Variants in AATF observed in about 807,000 individuals in gnomAD.
AATF encodes apoptosis antagonizing transcription factor.
AATF carries 48 observed loss-of-function variants against 63.7 expected under a neutral mutation model. The observed-to-expected ratio is 0.75, with a 90% confidence interval of 0.60 to 0.96. AATF has a LOEUF of 0.96. AATF is among the 40% of genes least tolerant of loss of function. The pLI is 0.00. For synonymous variants in AATF, 258 were observed against 247.7 expected (o/e 1.04, Z -0.39); for missense variants, 639 against 685.7 (o/e 0.93, Z 0.76).
At chr17:37,006,816 C>T (rs1597722770) in intron 8 of AATF, among the ~76,000 whole-genome samples, 1 of 152,174 alleles carries the variant, frequency 6.6e-6, no homozygotes, top group South Asian at 2.1e-4. Flanking sequence ...CTGCTTTATT[C>T]AATGAATGAA....
At chr17:37,007,359 ATTTTTTTT>A (rs71368436) in intron 8 of AATF, among the ~76,000 whole-genome samples, 2,032 of 112,564 alleles carry the variant, frequency 0.018, 63 homozygotes, top group African/African-American at 0.071. Context: ...GGCTAATTTA[ATTTTTTTT>A]TTTTTTTTTT....
chr17:37,027,462 T>C (rs1300347468), intron 10 of AATF, among the ~76,000 whole-genome samples: 1 of 152,188 alleles, frequency 6.6e-6, no homozygotes, highest in Non-Finnish European at 1.5e-5. Context: ...CTAAAGCCTG[T>C]ATTTCATCAT....
At chr17:36,993,860 T>C (rs1352614237) in intron 8 of AATF, among the ~76,000 whole-genome samples, 2 of 152,196 alleles carry the variant, frequency 1.3e-5, no homozygotes, top group Non-Finnish European at 2.9e-5. Context: ...ATGCCCTAAC[T>C]ACTGAGAATG....
intron 11 of AATF, among the ~76,000 whole-genome samples, chr17:37,041,266 A>G (rs1205687045): frequency 1.3e-5 from 2 of 152,176 alleles, no homozygotes; most frequent in Non-Finnish European, 2.9e-5. Context: ...ATTATGGAAT[A>G]TGTATTATTG....
At chr17:36,990,625 A>G (rs748594397) in intron 7 of AATF, 149 bp from the exon 8 acceptor site, 6 of 530,918 alleles carry the variant, frequency 1.1e-5, no homozygotes, top group African/African-American at 1.0e-4. Context: ...GCCTGTTTTC[A>G]TATTGGACTG....
intron 4 of AATF, among the ~76,000 whole-genome samples, chr17:36,963,508 G>A (rs1333391747): frequency 6.6e-6 from 1 of 152,112 alleles, no homozygotes; most frequent in African/African-American, 2.4e-5. Flanking sequence ...TTGATTTTTT[G>A]CTTTATGCTT....
chr17:37,009,333 T>C (rs1272137513), intron 8 of AATF, among the ~76,000 whole-genome samples: 2 of 147,008 alleles, frequency 1.4e-5, no homozygotes, highest in African/African-American at 2.6e-5. Context: ...TTAGTAAAGA[T>C]GGGGTTTCAC....
intron 4 of AATF, among the ~76,000 whole-genome samples, chr17:36,974,294 A>G (rs1487971605): frequency 6.6e-6 from 1 of 152,056 alleles, no homozygotes; most frequent in Non-Finnish European, 1.5e-5. Context: ...AATTATGAAT[A>G]TTTTTCCTTG....
At chr17:37,025,170 A>G (rs2071501652) in intron 10 of AATF, among the ~76,000 whole-genome samples, 1 of 152,196 alleles carries the variant, frequency 6.6e-6, no homozygotes. Context: ...TCTTGGTAGT[A>G]ATCATTGATA....
chr17:37,019,510 T>C (rs977283799), intron 9 of AATF, among the ~76,000 whole-genome samples: 8 of 152,312 alleles, frequency 5.3e-5, no homozygotes, highest in African/African-American at 1.9e-4. Context: ...CAGTAAAAGC[T>C]TCAGCACAAT....
chr17:36,971,512 A>G (rs2071039001), intron 4 of AATF, among the ~76,000 whole-genome samples: 1 of 152,240 alleles, frequency 6.6e-6, no homozygotes, highest in Admixed American at 6.5e-5. Flanking sequence ...ACAGTCTGGC[A>G]GTTTTTAAAT....
intron 4 of AATF, among the ~76,000 whole-genome samples, chr17:36,984,901 GTT>G (rs34905004): frequency 3.1e-5 from 4 of 130,054 alleles, no homozygotes; most frequent in Non-Finnish European, 1.6e-5. Flanking sequence ...GCCTCCCACA[GTT>G]TTTTTTTTTT....
At chr17:36,975,238 G>A (rs1305769586) in intron 4 of AATF, among the ~76,000 whole-genome samples, 1 of 151,874 alleles carries the variant, frequency 6.6e-6, no homozygotes, top group Non-Finnish European at 1.5e-5. Context: ...AATGCCTGCA[G>A]GTCTTTTTTT....
At chr17:37,049,928 C>A (rs2071732742) in intron 11 of AATF, among the ~76,000 whole-genome samples, 1 of 152,130 alleles carries the variant, frequency 6.6e-6, no homozygotes, top group African/African-American at 2.4e-5. Context: ...TCCTGCTCCA[C>A]CTGCTTTGGG....
chr17:36,989,648 G>C (rs531093655), intron 7 of AATF, among the ~76,000 whole-genome samples: 53 of 152,242 alleles, frequency 3.5e-4, no homozygotes, highest in Admixed American at 9.2e-4. Context: ...TTTGATGCAG[G>C]AGTCTGGTAG....
At position 36,953,084 on chromosome 17, in the gene AATF, C is replaced by G; in HGVS notation, c.482C>G (p.Thr161Ser). 1 of 1,614,038 alleles carries G rather than the reference C, an allele frequency of 6.2e-7. No individual in the cohort carries two copies. Among genetic ancestry groups the G allele is most frequent in the Non-Finnish European group, 8.5e-7 (1 of 1,180,020 alleles). ...VQSISDFEKF[T>S]KGMDDLGSSE... Reference sequence around the variant, plus strand: ...AGTATCAGTGACTTTGAGAAATTTACCAAGGGAATGGATGACCTTGGGAGC... The same window carrying G: ...AGTATCAGTGACTTTGAGAAATTTAGCAAGGGAATGGATGACCTTGGGAGC... Residue 161 changes from threonine to serine, a missense_variant, in exon 3 of 12, where the codon ACC becomes AGC. Thr to Ser is a moderately conservative substitution (Grantham distance 58, BLOSUM62 1). Coordinates refer to ENST00000619387, the MANE Select transcript of AATF (RefSeq NM_012138.4).
chr17:36,981,817 A>G (rs532158983), intron 4 of AATF, among the ~76,000 whole-genome samples: 36 of 151,200 alleles, frequency 2.4e-4, no homozygotes, highest in African/African-American at 8.0e-4. Context: ...GTTTACAGGC[A>G]TGAGCCACGG....
chr17:37,031,704 A>G lies in AATF; in HGVS notation c.1619+19A>G. 1 of 1,601,608 alleles carries G rather than the reference A, an allele frequency of 6.2e-7. No individual in the cohort carries two copies. Among genetic ancestry groups the G allele is most frequent in the Non-Finnish European group, 8.6e-7 (1 of 1,168,676 alleles). ...ATGCCAGGTGAGTAATAGATTAATT[A>G]TGTGTCTCAAATGGCTTCATGACAG... On this transcript the variant is annotated intron_variant, in intron 11 of 11. Coordinates refer to ENST00000619387, the MANE Select transcript of AATF (RefSeq NM_012138.4).
chr17:36,949,333 G>T (rs1483510580), intron 1 of AATF, 117 bp downstream of exon 1: 2 of 985,890 alleles, frequency 2.0e-6, no homozygotes, highest in Non-Finnish European at 2.9e-6. Flanking sequence ...TTCGCTTGGC[G>T]CAGAGGAACG....
Sources: gnomAD v4.1 joint callset for allele counts (sites outside exome capture counted in the v4.1 genomes callset) on GRCh38, gnomAD v4.1.1 for gene constraint, MANE v1.5 for transcripts, NCBI Gene and HGNC (gene_info 2026-07-23, HGNC 2026-07-21) for gene names.